The following NKAIN2 variants were observed in gnomAD, a reference collection of about 807,000 sequenced individuals.
NKAIN2 encodes sodium/potassium transporting ATPase interacting 2.
In NKAIN2, 14 loss-of-function variants were observed where a neutral mutation model predicts 32.6. The observed-to-expected ratio is 0.43, with a 90% CI of 0.28 to 0.67. The LOEUF (loss-of-function observed/expected upper bound fraction) is 0.67, where lower values mean the gene tolerates loss of function less well. Among genes scored for constraint, NKAIN2 ranks in the 30% least tolerant of loss-of-function variants. The probability of loss-of-function intolerance (pLI) is 0.17; values close to 1 mark genes in which losing one functional copy is unlikely to be tolerated. For synonymous variants in NKAIN2, 80 were observed against 87.2 expected, an observed-to-expected ratio of 0.92 and a Z score of 0.46; for missense variants, 198 against 258.3, an observed-to-expected ratio of 0.77 and a Z score of 1.60.
At chr6:124,147,690 A>G (rs185553874) in intron 1 of NKAIN2, among the ~76,000 whole-genome samples, 117 of 152,228 alleles carry the variant, frequency 7.7e-4, no homozygotes, top group African/African-American at 2.8e-3. Context: ...TTTTTTATTA[A>G]CTCTGATAGT....
intron 3 of NKAIN2, among the ~76,000 whole-genome samples, chr6:124,411,170 A>G (rs1204206892): frequency 6.6e-6 from 1 of 152,142 alleles, no homozygotes; most frequent in Non-Finnish European, 1.5e-5. Context: ...TGGAGCATTT[A>G]GCCCATTTAC....
At chr6:124,308,595 T>C (rs1171597976) in intron 2 of NKAIN2, among the ~76,000 whole-genome samples, 1 of 152,204 alleles carries the variant, frequency 6.6e-6, no homozygotes. Context: ...TGAAGGCTTA[T>C]TGTGCTTTAG....
At chr6:123,815,962 C>T (rs1773676640) in intron 1 of NKAIN2, among the ~76,000 whole-genome samples, 1 of 151,906 alleles carries the variant, frequency 6.6e-6, no homozygotes, top group African/African-American at 2.4e-5. Context: ...ATGATAAGAA[C>T]TTAAGATAAT....
At chr6:124,194,741 A>G (rs774705589) in intron 1 of NKAIN2, among the ~76,000 whole-genome samples, 2 of 152,166 alleles carry the variant, frequency 1.3e-5, no homozygotes, top group African/African-American at 4.8e-5. Context: ...TACAAAATAT[A>G]ACTAAGAGGA....
intron 4 of NKAIN2, among the ~76,000 whole-genome samples, chr6:124,737,706 G>A (rs1360981696): frequency 6.6e-6 from 1 of 151,884 alleles, no homozygotes; most frequent in Admixed American, 6.6e-5. Context: ...CTTGAGATTT[G>A]TTGAATGGCT....
intron 1 of NKAIN2, among the ~76,000 whole-genome samples, chr6:124,066,289 ATTACATTCATATTTCTG>A (rs1783171291): frequency 6.6e-6 from 1 of 152,062 alleles, no homozygotes; most frequent in Non-Finnish European, 1.5e-5. Context: ...CCTACTGATA[ATTACATTCATATTTCTG>A]TTTCCTGAGC....
At chr6:124,047,903 C>G (rs1478257226) in intron 1 of NKAIN2, among the ~76,000 whole-genome samples, 1 of 151,968 alleles carries the variant, frequency 6.6e-6, no homozygotes, top group Non-Finnish European at 1.5e-5. Flanking sequence ...CTGAAAAAAT[C>G]TCACCCAGCT....
At chr6:123,992,641 AG>A (rs1433226992) in intron 1 of NKAIN2, among the ~76,000 whole-genome samples, 3 of 152,352 alleles carry the variant, frequency 2.0e-5, no homozygotes, top group East Asian at 3.9e-4. Context: ...ACCTATAAAA[AG>A]GTACATAACA....
rs1794570537 is a variant in NKAIN2 at position 124,267,763 on chromosome 6, T to G, written c.55-15242T>G. 2.6e-5 allele frequency among the ~76,000 whole-genome samples: 4 copies of G among 152,286 alleles called. No homozygotes were observed. The South Asian group carries it at 8.3e-4, about 32-fold the overall frequency. ...TACTTTAATTCAAATTATAAAATAC[T>G]CTTGATATAGAATTAAGGACTCATT... On this transcript the variant is annotated intron_variant, in intron 1 of 6. Transcript: ENST00000368417.
intron 3 of NKAIN2, among the ~76,000 whole-genome samples, chr6:124,542,306 G>A (rs1289449096): frequency 1.3e-5 from 2 of 152,142 alleles, no homozygotes; most frequent in Non-Finnish European, 2.9e-5. Context: ...GGAAGAGAAA[G>A]TCTGGTGATG....
intron 4 of NKAIN2, among the ~76,000 whole-genome samples, chr6:124,696,925 G>T (rs1774525727): frequency 1.3e-5 from 2 of 151,928 alleles, no homozygotes; most frequent in South Asian, 4.2e-4. Context: ...TTCCAAACAA[G>T]GTCACTTGCG....
chr6:124,380,512 G>A (rs1447780112), intron 3 of NKAIN2, among the ~76,000 whole-genome samples: 5 of 152,146 alleles, frequency 3.3e-5, no homozygotes, highest in Admixed American at 2.6e-4. Context: ...TCAACTGGCT[G>A]GATGTAGACA....
chr6:124,030,471 T>G (rs984671687), intron 1 of NKAIN2, among the ~76,000 whole-genome samples: 9 of 152,210 alleles, frequency 5.9e-5, no homozygotes, highest in Non-Finnish European at 1.3e-4. Context: ...GATTCTTCCT[T>G]TATTCTTACT....
intron 3 of NKAIN2, among the ~76,000 whole-genome samples, chr6:124,569,552 A>C (rs1329759419): frequency 6.6e-6 from 1 of 152,028 alleles, no homozygotes; most frequent in East Asian, 1.9e-4. Flanking sequence ...TTCCCATGCT[A>C]TTCCCGTGAC....
intron 5 of NKAIN2, among the ~76,000 whole-genome samples, chr6:124,801,755 C>T (rs887694435): frequency 3.9e-5 from 6 of 152,172 alleles, no homozygotes; most frequent in African/African-American, 1.4e-4. Context: ...CCAAGAAGAA[C>T]TCATGCAGTT....
intron 1 of NKAIN2, among the ~76,000 whole-genome samples, chr6:124,278,665 A>G (rs956038524): frequency 3.4e-5 from 4 of 117,832 alleles, no homozygotes; most frequent in African/African-American, 1.3e-4. Context: ...ATATATATAT[A>G]TATATATATA....
At chr6:124,560,425 C>T (rs1583440283) in intron 3 of NKAIN2, among the ~76,000 whole-genome samples, 1 of 152,322 alleles carries the variant, frequency 6.6e-6, no homozygotes, top group East Asian at 1.9e-4. Context: ...ATAAATTACA[C>T]AGCCTCAGGT....
chr6:124,227,014 C>T (rs763732859), intron 1 of NKAIN2, among the ~76,000 whole-genome samples: 2 of 150,670 alleles, frequency 1.3e-5, no homozygotes, highest in African/African-American at 2.4e-5. Flanking sequence ...CACATTTATA[C>T]TCTTGTGCGA....
intron 1 of NKAIN2, among the ~76,000 whole-genome samples, chr6:123,854,664 G>A (rs1775488894): frequency 6.6e-6 from 1 of 152,124 alleles, no homozygotes; most frequent in Admixed American, 6.5e-5. Flanking sequence ...AGACAAGTAA[G>A]ATTAGCCTTA....
Sources: gnomAD v4.1 joint callset for allele counts (sites outside exome capture counted in the v4.1 genomes callset) on GRCh38, gnomAD v4.1.1 for gene constraint, MANE v1.5 for transcripts, NCBI Gene and HGNC (gene_info 2026-07-23, HGNC 2026-07-21) for gene names.